The following LARGE1 variants were observed in gnomAD, a reference collection of about 807,000 sequenced individuals.
The protein encoded by LARGE1 is xylosyl- and glucuronyltransferase LARGE1.
LARGE1 carries 43 observed loss-of-function variants against 87.6 expected under a neutral mutation model. That is an observed-to-expected ratio of 0.49 (90% CI 0.38 to 0.63). The LOEUF is 0.63. Among genes scored for constraint, LARGE1 ranks in the 30% least tolerant of loss-of-function variants. The pLI is 0.00. For synonymous variants in LARGE1, 434 were observed against 394.6 expected, an observed-to-expected ratio of 1.10 and a Z score of -1.18; for missense variants, 802 against 1,000.2, an observed-to-expected ratio of 0.80 and a Z score of 2.67.
chr22:33,443,167 C>T (rs1250029346), intron 6 of LARGE1, among the ~76,000 whole-genome samples: 5 of 152,148 alleles, frequency 3.3e-5, no homozygotes, highest in African/African-American at 4.8e-5. Context: ...TTCTACCTTT[C>T]AGAAGGGAAA....
chr22:33,916,649 G>T (rs1001433545), intron 1 of LARGE1, among the ~76,000 whole-genome samples: 1 of 152,076 alleles, frequency 6.6e-6, no homozygotes, highest in African/African-American at 2.4e-5. Flanking sequence ...AGCCTTTTGG[G>T]TCTTATATCC....
intron 6 of LARGE1, among the ~76,000 whole-genome samples, chr22:33,493,075 T>G (rs1245427242): frequency 6.6e-6 from 1 of 151,590 alleles, no homozygotes; most frequent in Non-Finnish European, 1.5e-5. Flanking sequence ...CTCTGGCACA[T>G]AACTCGAGGG....
chr22:33,363,807 C>T (rs2064474066), intron 9 of LARGE1, among the ~76,000 whole-genome samples: 2 of 149,832 alleles, frequency 1.3e-5, no homozygotes, highest in African/African-American at 4.9e-5. Flanking sequence ...GCATTGCGAT[C>T]CCAGAGAGTC....
intron 6 of LARGE1, among the ~76,000 whole-genome samples, chr22:33,465,349 C>T (rs1188873691): frequency 2.0e-5 from 3 of 152,180 alleles, no homozygotes; most frequent in African/African-American, 7.2e-5. Context: ...GGGGCAAAGA[C>T]CACATGGAGC....
intron 6 of LARGE1, among the ~76,000 whole-genome samples, chr22:33,553,876 T>C (rs1253427787): frequency 1.3e-5 from 2 of 152,076 alleles, no homozygotes; most frequent in South Asian, 2.1e-4. Flanking sequence ...AAAAGGGTCC[T>C]CCAGCTCACC....
At chr22:33,691,169 C>G (rs73402804) in intron 2 of LARGE1, among the ~76,000 whole-genome samples, 5,724 of 152,122 alleles carry the variant, frequency 0.038, 367 homozygotes, top group African/African-American at 0.13. Flanking sequence ...CAGAATGGCT[C>G]TGGGCAACTG....
chr22:33,763,838 CTTTTTTTTTTTTTTTT>C (rs71187279), intron 1 of LARGE1, among the ~76,000 whole-genome samples: 3 of 71,180 alleles, frequency 4.2e-5, no homozygotes, highest in African/African-American at 6.0e-5. Context: ...AATTAGTTTG[CTTTTTTTTTTTTTTTT>C]TTTTTTTTTT....
intron 2 of LARGE1, among the ~76,000 whole-genome samples, chr22:33,673,135 C>T (rs2081466829): frequency 6.6e-6 from 1 of 152,058 alleles, no homozygotes; most frequent in Non-Finnish European, 1.5e-5. Flanking sequence ...ATTAGCCAGG[C>T]ATGGTGGCGG....
In LARGE1 at chr22:33,650,530, T is replaced by C. The variant is rs774035009; in HGVS notation, c.245A>G (p.Gln82Arg). 7.4e-6 allele frequency: 12 copies of C among 1,611,770 alleles called. No homozygotes were observed. The highest frequency in any genetic ancestry group is 8.5e-6 in the Non-Finnish European group (10 of 1,179,984). Residue 82 changes from glutamine (Q) to arginine (R), a missense_variant, in exon 3 of 15, where the codon CAG becomes CGG. Physicochemically the swap from Gln to Arg is conservative, Grantham distance 43 (BLOSUM62 1). This residue lies in a region of LARGE1 where 177 missense variants were observed against 158.3 expected (regional missense o/e 1.12). Coordinates refer to ENST00000397394, the MANE Select transcript of LARGE1 (RefSeq NM_133642.5). The part of the protein sequence containing the change: ...VEEENRALRR[Q>R]LSLAQGRAPS... ...GGCTCGGCCCTGGGCCAGGCTGAGC[T>C]GCCTGCGGAGGGCGCGGTTCTCCTC...
intron 1 of LARGE1, among the ~76,000 whole-genome samples, chr22:33,908,956 C>A (rs1430889471): frequency 6.6e-6 from 1 of 152,068 alleles, no homozygotes; most frequent in East Asian, 1.9e-4. Flanking sequence ...GCTTTAGGAG[C>A]CACTCATGAG....
intron 2 of LARGE1, among the ~76,000 whole-genome samples, chr22:33,753,786 G>A (rs1038418270): frequency 6.6e-6 from 1 of 152,172 alleles, no homozygotes; most frequent in Non-Finnish European, 1.5e-5. Context: ...CAGGTCAGGT[G>A]CAGTGGCTCA....
intron 7 of LARGE1, among the ~76,000 whole-genome samples, chr22:33,420,643 C>G (rs1444548318): frequency 6.6e-6 from 1 of 152,216 alleles, no homozygotes; most frequent in South Asian, 2.1e-4. Context: ...CCCACAATAA[C>G]CAGTAACCTC....
At chr22:33,470,570 G>A (rs898063208) in intron 6 of LARGE1, among the ~76,000 whole-genome samples, 2 of 152,162 alleles carry the variant, frequency 1.3e-5, no homozygotes, top group Non-Finnish European at 2.9e-5. Flanking sequence ...GACAAGCCTG[G>A]TCTCTTAACT....
rs543450460 is a variant in LARGE1 at position 33,664,587 on chromosome 22, C to A, written c.107-13919G>T. Among the ~76,000 whole-genome samples the A allele has an allele frequency of 3.3e-5, 5 of 152,282 alleles. No individual in the cohort carries two copies. The East Asian group carries it at 9.7e-4, about 29-fold the overall frequency. On this transcript the variant is annotated intron_variant, in intron 2 of 14. Transcript: ENST00000397394. Reference sequence around the variant, plus strand: ...TGGCCTTTAAAAATGGCTATCAGGGCCGGGCACAGTGGCTCATGCCTGTGA... The same window carrying A: ...TGGCCTTTAAAAATGGCTATCAGGGACGGGCACAGTGGCTCATGCCTGTGA...
At chr22:33,089,320 CT>C in the LARGE1 span, among the ~76,000 whole-genome samples, 24,774 of 111,158 alleles carry the variant, frequency 0.22, 2,605 homozygotes, top group East Asian at 0.51. Flanking sequence ...CTTCTTTCTT[CT>C]TTCTTCTTCT....
At chr22:33,165,804 T>C (rs992253044) in exon 12 of LARGE1, 6 of 152,178 alleles carry the variant, frequency 3.9e-5, no homozygotes, top group Non-Finnish European at 5.9e-5. Context: ...TGAGATGAAT[T>C]TGAAAATCTA....
chr22:33,791,109 A>G (rs1238922839), intron 1 of LARGE1, among the ~76,000 whole-genome samples: 5 of 152,226 alleles, frequency 3.3e-5, no homozygotes, highest in Admixed American at 6.5e-5. Flanking sequence ...TAAATGAAGA[A>G]TGAAAACTTT....
At chr22:33,612,114 A>AC (rs1245078781) in intron 4 of LARGE1, among the ~76,000 whole-genome samples, 3 of 105,300 alleles carry the variant, frequency 2.8e-5, no homozygotes, top group African/African-American at 1.1e-4. Context: ...CCCCCCACCC[A>AC]CCCCCAGTGA....
intron 2 of LARGE1, among the ~76,000 whole-genome samples, chr22:33,682,464 A>G (rs1017798145): frequency 6.6e-6 from 1 of 152,118 alleles, no homozygotes; most frequent in Admixed American, 6.5e-5. Context: ...ATTGCCCCCA[A>G]ATGGGAAATT....
Sources: gnomAD v4.1 joint callset for allele counts (sites outside exome capture counted in the v4.1 genomes callset) on GRCh38, gnomAD v4.1.1 for gene constraint, gnomAD v4.1.1 regional missense constraint, MANE v1.5 for transcripts, NCBI Gene and HGNC (gene_info 2026-07-23, HGNC 2026-07-21) for gene names.